Variants in R3HDM2 observed in about 807,000 individuals in gnomAD.
R3HDM2 encodes R3H domain-containing protein 2.
Under a neutral mutation model 124.5 loss-of-function variants are expected in R3HDM2, and 38 were observed. The ratio of observed to expected loss-of-function variants is 0.31; its 90% CI spans 0.24 to 0.40. The LOEUF (loss-of-function observed/expected upper bound fraction) is 0.40, where lower values mean the gene tolerates loss of function less well. Ranked by LOEUF, R3HDM2 falls within the 10% of genes least tolerant of loss-of-function variation. The probability of loss-of-function intolerance (pLI) is 1.00; values close to 1 mark genes in which losing one functional copy is unlikely to be tolerated. For missense variants in R3HDM2, 869 were observed against 1,236.9 expected (o/e 0.70, Z 4.46); for synonymous variants, 391 against 448.0 (o/e 0.87, Z 1.61).
At chr12:57,382,210 G>C (rs1055924073) in intron 2 of R3HDM2, among the ~76,000 whole-genome samples, 1 of 151,282 alleles carries the variant, frequency 6.6e-6, no homozygotes, top group East Asian at 1.9e-4. Flanking sequence ...AACCTCCTAG[G>C]CTCAAGAGAT....
intron 2 of R3HDM2, among the ~76,000 whole-genome samples, chr12:57,389,159 G>A (rs2066309884): frequency 6.6e-6 from 1 of 152,204 alleles, no homozygotes. Flanking sequence ...CCCCTGAAAC[G>A]TTAGGAGGGA....
At chr12:57,402,989 T>C (rs899434329) in intron 1 of R3HDM2, among the ~76,000 whole-genome samples, 1 of 152,168 alleles carries the variant, frequency 6.6e-6, no homozygotes, top group African/African-American at 2.4e-5. Flanking sequence ...TATCAATGCA[T>C]ATAAAGCACA....
chr12:57,298,527 A>G (rs2050377396), intron 6 of R3HDM2, among the ~76,000 whole-genome samples: 1 of 152,202 alleles, frequency 6.6e-6, no homozygotes. Context: ...CTCAGTAAAT[A>G]TGCCCAAATA....
intron 2 of R3HDM2, among the ~76,000 whole-genome samples, chr12:57,384,625 G>T (rs2065428684): frequency 6.6e-6 from 1 of 152,108 alleles, no homozygotes; most frequent in South Asian, 2.1e-4. Context: ...ATAACATAAA[G>T]GTATCCATGG....
At chr12:57,339,308 T>C (rs1309556805) in intron 2 of R3HDM2, among the ~76,000 whole-genome samples, 1 of 152,086 alleles carries the variant, frequency 6.6e-6, no homozygotes, top group African/African-American at 2.4e-5. Context: ...ATTTTACAAA[T>C]GGAGACGTTA....
rs2046773995 is a variant in R3HDM2 at position 57,283,990 on chromosome 12, T to C, written c.1005A>G (p.Lys335=). The change falls in exon 13 of 24, where the codon AAA becomes AAG. Residue 335 remains lysine, a synonymous_variant. Transcript: ENST00000402412. Reference sequence around the variant, plus strand: ...TGCTCCAAGGGCGTGGCTCCAGGGATTTGAGTTCGCTGTCTGTGCTGCTCT... The same window carrying C: ...TGCTCCAAGGGCGTGGCTCCAGGGACTTGAGTTCGCTGTCTGTGCTGCTCT... ...SRQSSTDSEL[K]SLEPRPWSST... The C allele has an allele frequency of 3.7e-6, 6 of 1,613,782 alleles. No individual in the cohort carries two copies. The highest frequency in any genetic ancestry group is 5.1e-6 in the Non-Finnish European group (6 of 1,179,904).
chr12:57,370,408 G>GC (rs1226274513), intron 2 of R3HDM2, among the ~76,000 whole-genome samples: 1 of 105,118 alleles, frequency 9.5e-6, no homozygotes, highest in Non-Finnish European at 2.1e-5. Flanking sequence ...GGGGGGGGGG[G>GC]GCGGGGTGGA....
chr12:57,260,882 A>G (rs894722574), intron 19 of R3HDM2, among the ~76,000 whole-genome samples: 5 of 152,084 alleles, frequency 3.3e-5, no homozygotes, highest in African/African-American at 1.2e-4. Flanking sequence ...AGAAAGGAAA[A>G]GAAATGGTGG....
intron 1 of R3HDM2, among the ~76,000 whole-genome samples, chr12:57,425,947 G>T (rs894065758): frequency 6.6e-6 from 1 of 152,024 alleles, no homozygotes; most frequent in South Asian, 2.1e-4. Flanking sequence ...GGAAAGATAG[G>T]TCAGGCGCGG....
rs202044319 is a variant in R3HDM2 at position 57,280,401 on chromosome 12, G to A, written c.1301C>T (p.Thr434Met). 1.7e-4 allele frequency: 275 copies of A among 1,614,110 alleles called. No individual in the cohort carries two copies. The highest frequency in any genetic ancestry group is 2.1e-4 in the Non-Finnish European group (251 of 1,179,978). The part of the protein sequence containing the change: ...QQQQLPALPP[T>M]PQQQPPLNNH... ...ATTCAAGGGTGGCTGTTGCTGAGGC[G>A]TGGGTGGGAGAGCAGGAAGTTGCTG... is the stretch of plus-strand genomic sequence containing the variant. The change falls in exon 14 of 24, where the codon ACG becomes ATG. Residue 434 changes from threonine (T) to methionine (M), a missense_variant. Physicochemically the swap from Thr to Met is moderately conservative, Grantham distance 81 (BLOSUM62 -1). Around this residue, in one of 2 missense-constraint regions of R3HDM2, gnomAD observed 602 missense variants for 789.2 expected, o/e 0.76. Transcript: ENST00000402412.
intron 1 of R3HDM2, among the ~76,000 whole-genome samples, chr12:57,402,444 G>A (rs568387568): frequency 1.1e-4 from 16 of 152,234 alleles, no homozygotes; most frequent in African/African-American, 3.9e-4. Flanking sequence ...CACCTCCTGG[G>A]TTCAAGAAAT....
At chr12:57,338,611 C>T (rs953206461) in intron 2 of R3HDM2, among the ~76,000 whole-genome samples, 40 of 152,032 alleles carry the variant, frequency 2.6e-4, no homozygotes, top group South Asian at 2.1e-4. Context: ...AGGCTGGTCT[C>T]GAACCCCAGA....
At chr12:57,266,903 G>T in intron 18 of R3HDM2, 72 bp from the exon 19 acceptor site, 1 of 1,120,168 alleles carries the variant, frequency 8.9e-7, no homozygotes, top group Non-Finnish European at 1.3e-6. Flanking sequence ...AACAGCTGCT[G>T]CTTCCTGGTC....
chr12:57,285,592 G>A (rs2047156427), intron 12 of R3HDM2, among the ~76,000 whole-genome samples: 1 of 152,158 alleles, frequency 6.6e-6, no homozygotes, highest in African/African-American at 2.4e-5. Context: ...AGAAGTATAA[G>A]TTAGGTACTC....
chr12:57,356,362 A>AT (rs772360941), intron 2 of R3HDM2, among the ~76,000 whole-genome samples: 7 of 151,894 alleles, frequency 4.6e-5, no homozygotes, highest in East Asian at 1.9e-4. Flanking sequence ...ATCATAGGTT[A>AT]TTTTTTCAGT....
At chr12:57,351,138 T>C (rs2060636011) in intron 2 of R3HDM2, among the ~76,000 whole-genome samples, 1 of 151,952 alleles carries the variant, frequency 6.6e-6, no homozygotes, top group Non-Finnish European at 1.5e-5. Context: ...AGCTAGGTGC[T>C]CACCTGTGGT....
intron 1 of R3HDM2, among the ~76,000 whole-genome samples, chr12:57,428,045 A>G (rs1449197039): frequency 2.6e-5 from 4 of 151,676 alleles, no homozygotes; most frequent in East Asian, 1.9e-4. Flanking sequence ...GCTTGAACCC[A>G]GGAGGTAGAG....
intron 7 of R3HDM2, 71 bp downstream of exon 7, chr12:57,298,019 G>A (rs947737422): frequency 9.2e-7 from 1 of 1,092,236 alleles, no homozygotes; most frequent in Non-Finnish European, 1.4e-6. Flanking sequence ...AAAATTCTGG[G>A]AAGCCGTTTG....
At chr12:57,276,188 C>T (rs756596857) in intron 14 of R3HDM2, among the ~76,000 whole-genome samples, 9 of 138,294 alleles carry the variant, frequency 6.5e-5, no homozygotes, top group African/African-American at 1.9e-4. Flanking sequence ...CCAGCCTGGG[C>T]GACAGAGTGA....
Sources: gnomAD v4.1 joint callset for allele counts (sites outside exome capture counted in the v4.1 genomes callset) on GRCh38, gnomAD v4.1.1 for gene constraint, gnomAD v4.1.1 regional missense constraint, MANE v1.5 for transcripts, NCBI Gene and HGNC (gene_info 2026-07-23, HGNC 2026-07-21) for gene names.